The following IGSF9B variants were observed in gnomAD, a reference collection of about 807,000 sequenced individuals.
IGSF9B encodes immunoglobulin superfamily member 9B.
A neutral mutation model predicts 143.7 loss-of-function variants in IGSF9B; 48 were observed. That is an observed-to-expected ratio of 0.33 (90% CI 0.26 to 0.42). IGSF9B has a LOEUF of 0.42. Among genes scored for constraint, IGSF9B ranks in the 20% least tolerant of loss-of-function variants. IGSF9B has a pLI of 1.00. For missense variants in IGSF9B, 1,706 were observed against 1,980.0 expected (o/e 0.86, Z 2.63); for synonymous variants, 903 against 833.1 (o/e 1.08, Z -1.44).
chr11:133,935,430 T>C (rs1939804531), intron 7 of IGSF9B, among the ~76,000 whole-genome samples, 187 bp downstream of exon 7: 1 of 152,198 alleles, frequency 6.6e-6, no homozygotes, highest in Non-Finnish European at 1.5e-5. Context: ...AAGTAGGAGC[T>C]GCTCCACCCC....
In IGSF9B at chr11:133,953,849, T is replaced by C. The variant is rs1940206640; in HGVS notation, c.64+2842A>G. Among the ~76,000 whole-genome samples, 1 of 152,174 alleles carries C rather than the reference T, an allele frequency of 6.6e-6. No homozygotes were observed. Among genetic ancestry groups the C allele is most frequent in the South Asian group, 2.1e-4 (1 of 4,826 alleles). On this transcript the variant is annotated intron_variant, in intron 1 of 19. Transcript: ENST00000533871. This position sits in a 1 kb window ranked among gnomAD's most constrained non-coding sequence, Gnocchi z 4.2. ...ACACCAATCACTGTCTTCCAGGTTC[T>C]GGGTACCACTCCAGCCCCTCTCTTC...
intron 1 of IGSF9B, 98 bp from the exon 2 acceptor site, chr11:133,946,356 C>T: frequency 1.9e-6 from 2 of 1,046,698 alleles, no homozygotes; most frequent in East Asian, 2.6e-5. Context: ...CCGCCCCCCA[C>T]CAGCTGCCCT....
At chr11:133,912,173 C>T (rs1939311337) in intron 18 of IGSF9B, 166 bp from the exon 19 acceptor site, 6 of 847,208 alleles carry the variant, frequency 7.1e-6, no homozygotes, top group East Asian at 5.3e-5. Flanking sequence ...TCTATTGCTC[C>T]TGGAAAGAAG....
At chr11:133,929,828 C>T (rs952661417) in intron 11 of IGSF9B, 46 bp from the exon 12 acceptor site, 15 of 1,354,172 alleles carry the variant, frequency 1.1e-5, no homozygotes, top group Admixed American at 8.5e-5. Context: ...AACTCAGCCA[C>T]GTGGCTGGGT....
intron 15 of IGSF9B, 84 bp downstream of exon 15, chr11:133,924,736 G>T: frequency 9.0e-7 from 1 of 1,107,680 alleles, no homozygotes. Context: ...TCTCCTCGTG[G>T]AGTAGCCATT....
chr11:133,912,703 C>T (rs1440039122), intron 18 of IGSF9B, among the ~76,000 whole-genome samples: 1 of 152,234 alleles, frequency 6.6e-6, no homozygotes, highest in East Asian at 1.9e-4. Flanking sequence ...AACAGCAGAA[C>T]AACCAAATCT....
At chr11:133,935,198 G>A (rs1275188811) in intron 7 of IGSF9B, among the ~76,000 whole-genome samples, 2 of 152,236 alleles carry the variant, frequency 1.3e-5, no homozygotes, top group Non-Finnish European at 2.9e-5. Context: ...AAGGCAGGGA[G>A]TAAGGCTGGG....
At chr11:133,938,231 T>C (rs1178076319) in intron 3 of IGSF9B, 4 of 363,264 alleles carry the variant, frequency 1.1e-5, no homozygotes, top group Non-Finnish European at 2.0e-5. Context: ...AGGGTGGCCC[T>C]TACAAACACT....
rs924745518 is a variant in IGSF9B, at chr11:133,902,819, G to A, written c.*6250C>T. On this transcript the variant is annotated 3_prime_UTR_variant, in exon 20 of 20. Coordinates refer to ENST00000533871, the MANE Select transcript of IGSF9B (RefSeq NM_001277285.4). ...CCCTTTCAAGAACTGCAAGATGACC[G>A]TGAGGAGGCTCATCCCTCCACCAGA... is the stretch of plus-strand genomic sequence containing the variant. Among the ~76,000 whole-genome samples, 7 of 152,228 alleles carry A rather than the reference G, an allele frequency of 4.6e-5. No individual in the cohort carries two copies. The highest frequency in any genetic ancestry group is 1.9e-4 in the East Asian group (1 of 5,166).
At chr11:133,940,040 G>A (rs532129778) in intron 3 of IGSF9B, among the ~76,000 whole-genome samples, 9 of 138,198 alleles carry the variant, frequency 6.5e-5, no homozygotes, top group African/African-American at 1.9e-4. Flanking sequence ...CATACACCTC[G>A]CATGTCCTCG....
chr11:133,920,986 G>A lies in IGSF9B; in HGVS notation c.2739C>T (p.Thr913=), dbSNP rs377620424. The A allele has an allele frequency of 2.3e-5, 37 of 1,611,086 alleles. No homozygotes were observed. Among genetic ancestry groups the A allele is most frequent in the Non-Finnish European group, 3.1e-5 (37 of 1,178,136 alleles). ...AGGACTCCTGGCTGGATGACAGAGG[G>A]GTGAGCTGGGACTTCAGGGCGGCCA... The part of the protein sequence containing the change: ...TSVAALKSQL[T]PLSSSQESYL... Residue 913 remains threonine (T), a synonymous_variant, in exon 18 of 20, where the codon ACC becomes ACT. Coordinates refer to ENST00000533871, the MANE Select transcript of IGSF9B (RefSeq NM_001277285.4).
intron 18 of IGSF9B, among the ~76,000 whole-genome samples, chr11:133,915,268 C>CT (rs33964936): frequency 0.53 from 46,214 of 86,770 alleles, 11,078 homozygotes; most frequent in East Asian, 0.68. Flanking sequence ...CTCTCTCTCT[C>CT]TTTTTTTTTT....
At position 133,946,156 on chromosome 11, in the gene IGSF9B, G is replaced by C. The variant is rs767491228; in HGVS notation, c.167C>G (p.Pro56Arg). ...CTTGAACCACTCTACGACATAGGGT[G>C]GGGGCTGTCCCGTCACTGGGTGGAT... ...DVIHPVTGQP[P>R]PYVVEWFKFG... The change falls in exon 2 of 20, where the codon CCA becomes CGA. Residue 56 changes from proline (P) to arginine (R), a missense_variant. Physicochemically the swap from Pro to Arg is moderately radical, Grantham distance 103. This residue lies in a region of IGSF9B where 171 missense variants were observed against 213.9 expected (regional missense o/e 0.80). Transcript: ENST00000533871. 1 of 1,613,058 alleles carries C rather than the reference G, an allele frequency of 6.2e-7. No homozygotes were observed. The highest frequency in any genetic ancestry group is 8.5e-7 in the Non-Finnish European group (1 of 1,179,594).
At chr11:133,933,180 C>A (rs1370913646) in intron 7 of IGSF9B, among the ~76,000 whole-genome samples, 1 of 152,186 alleles carries the variant, frequency 6.6e-6, no homozygotes, top group South Asian at 2.1e-4. Flanking sequence ...CATGCTTCTA[C>A]CATGGACCTC....
At chr11:133,942,762 T>A (rs1420965222) in intron 3 of IGSF9B, among the ~76,000 whole-genome samples, 1 of 152,178 alleles carries the variant, frequency 6.6e-6, no homozygotes. Context: ...ACGCAACAGC[T>A]GGCACCAAAA....
rs979240169 is a variant in IGSF9B at position 133,909,703 on chromosome 11, G to A, written c.4106-426C>T. On this transcript the variant is annotated intron_variant, in intron 19 of 19. Coordinates refer to ENST00000533871, the MANE Select transcript of IGSF9B (RefSeq NM_001277285.4). The surrounding 1 kb of genome is among the most constrained non-coding windows in gnomAD (Gnocchi z 4.2). ...ATACAAGATTTTAATCGCATGCAACGGTCAGGCCTTGACCCTTCCTGGACT... is the reference window on the plus strand; with the variant it reads ...ATACAAGATTTTAATCGCATGCAACAGTCAGGCCTTGACCCTTCCTGGACT... Among the ~76,000 whole-genome samples, 5 of 152,146 alleles carry A rather than the reference G, an allele frequency of 3.3e-5. No individual in the cohort carries two copies. Among genetic ancestry groups the A allele is most frequent in the African/African-American group, 4.8e-5 (2 of 41,444 alleles).
intron 18 of IGSF9B, among the ~76,000 whole-genome samples, chr11:133,918,372 G>T (rs958133798): frequency 6.6e-6 from 1 of 152,198 alleles, no homozygotes; most frequent in Non-Finnish European, 1.5e-5. Flanking sequence ...CACCCAGAGG[G>T]AAGCAGGGAG....
At chr11:133,918,681 G>C (rs1939442661) in intron 18 of IGSF9B, among the ~76,000 whole-genome samples, 1 of 150,518 alleles carries the variant, frequency 6.6e-6, no homozygotes, top group Non-Finnish European at 1.5e-5. Context: ...CAGGGGGAGG[G>C]CGCTGGGCTC....
chr11:133,943,332 G>A (rs1053533654), intron 3 of IGSF9B, among the ~76,000 whole-genome samples: 2 of 152,104 alleles, frequency 1.3e-5, no homozygotes, highest in Non-Finnish European at 2.9e-5. Context: ...TTTAAAACCC[G>A]CTCCCCTCCC....
Sources: gnomAD v4.1 joint callset for allele counts (sites outside exome capture counted in the v4.1 genomes callset) on GRCh38, gnomAD v4.1.1 for gene constraint, gnomAD v4.1.1 regional missense constraint, Gnocchi (gnomAD v3.1) non-coding constraint, MANE v1.5 for transcripts, NCBI Gene and HGNC (gene_info 2026-07-23, HGNC 2026-07-21) for gene names.